Variants in NACC2 observed in about 807,000 individuals in gnomAD.
NACC2 encodes nucleus accumbens-associated protein 2.
NACC2 carries 8 observed loss-of-function variants against 25.1 expected under a neutral mutation model. The observed-to-expected ratio is 0.32, with a 90% confidence interval of 0.19 to 0.57. The LOEUF is 0.57. Among genes scored for constraint, NACC2 ranks in the 20% least tolerant of loss-of-function variants. The pLI, the probability that NACC2 is intolerant of heterozygous loss-of-function variation, is 0.89. For missense variants in NACC2, 644 were observed against 650.2 expected (o/e 0.99, Z 0.10); for synonymous variants, 435 against 294.7 (o/e 1.48, Z -4.88).
chr9:136,040,817 C>T (rs999979166), intron 2 of NACC2, among the ~76,000 whole-genome samples: 1 of 152,020 alleles, frequency 6.6e-6, no homozygotes, highest in African/African-American at 2.4e-5. Flanking sequence ...AAAAATTAGC[C>T]GGGTGTGGTG....
chr9:136,043,617 G>A (rs974067428), intron 2 of NACC2, among the ~76,000 whole-genome samples: 2 of 152,232 alleles, frequency 1.3e-5, no homozygotes, highest in Admixed American at 6.5e-5. Flanking sequence ...ACGGTCTCAC[G>A]CACAGGGATC....
At chr9:136,085,393 C>T (rs1830368653) in intron 1 of NACC2, among the ~76,000 whole-genome samples, 1 of 151,442 alleles carries the variant, frequency 6.6e-6, no homozygotes, top group South Asian at 2.1e-4. Flanking sequence ...GGGATCCACA[C>T]CTATAGTCCC....
chr9:136,040,008 A>C (rs1840604104), intron 2 of NACC2, among the ~76,000 whole-genome samples: 1 of 152,178 alleles, frequency 6.6e-6, no homozygotes, highest in African/African-American at 2.4e-5. Flanking sequence ...CTAATCACTA[A>C]AGGTAGCAAG....
At chr9:136,049,519 G>A (rs1393592609) in intron 2 of NACC2, 117 bp downstream of exon 2, 5 of 614,636 alleles carry the variant, frequency 8.1e-6, no homozygotes, top group African/African-American at 7.5e-5. Flanking sequence ...CAGGCTTGGT[G>A]GGGGGCTCCC....
At chr9:136,068,807 G>T (rs1210799057) in intron 1 of NACC2, among the ~76,000 whole-genome samples, 1 of 151,420 alleles carries the variant, frequency 6.6e-6, no homozygotes, top group Non-Finnish European at 1.5e-5. Flanking sequence ...AGAAACAAAA[G>T]ATAGAACAGA....
chr9:136,034,627 A>C (rs1840524992), intron 2 of NACC2, among the ~76,000 whole-genome samples: 1 of 152,038 alleles, frequency 6.6e-6, no homozygotes, highest in Admixed American at 6.5e-5. Flanking sequence ...ATGCGCCTGG[A>C]ATGTTTTGCT....
At chr9:136,028,927 G>GCCC (rs1320809080) in intron 2 of NACC2, among the ~76,000 whole-genome samples, 1 of 152,216 alleles carries the variant, frequency 6.6e-6, no homozygotes, top group African/African-American at 2.4e-5. Flanking sequence ...TGCCGCCTTG[G>GCCC]CCCCCTCTGG....
intron 2 of NACC2, among the ~76,000 whole-genome samples, chr9:136,033,850 G>A (rs1031660886): frequency 3.3e-5 from 5 of 150,710 alleles, no homozygotes; most frequent in East Asian, 2.0e-4. Context: ...AGGTCACCCC[G>A]CATCAGTCAA....
intron 2 of NACC2, among the ~76,000 whole-genome samples, chr9:136,046,864 G>A (rs1840733609): frequency 2.6e-5 from 4 of 152,278 alleles, no homozygotes; most frequent in Non-Finnish European, 5.9e-5. Flanking sequence ...GGGACAAAAG[G>A]CAATTAACTT....
At chr9:136,017,033 G>A (rs951119314) in intron 2 of NACC2, among the ~76,000 whole-genome samples, 1 of 152,152 alleles carries the variant, frequency 6.6e-6, no homozygotes, top group African/African-American at 2.4e-5. Context: ...GGGACTCAGT[G>A]CATCCAAGAA....
intron 2 of NACC2, among the ~76,000 whole-genome samples, chr9:136,023,401 G>A (rs1156636566): frequency 5.9e-5 from 9 of 152,100 alleles, no homozygotes; most frequent in Admixed American, 5.2e-4. Flanking sequence ...GACCCTCTGG[G>A]CTTCTCGACC....
intron 1 of NACC2, among the ~76,000 whole-genome samples, chr9:136,054,276 A>G (rs1840890597): frequency 6.6e-6 from 1 of 152,168 alleles, no homozygotes; most frequent in South Asian, 2.1e-4. Flanking sequence ...CAGCTCTCCC[A>G]GAGAAGGGAC....
intron 1 of NACC2, among the ~76,000 whole-genome samples, chr9:136,082,822 G>A (rs1238384968): frequency 1.3e-5 from 2 of 152,174 alleles, no homozygotes; most frequent in African/African-American, 2.4e-5. Flanking sequence ...GGTGTTGACT[G>A]CCCTCCCTCT....
Position 136,055,782 on chromosome 9 carries a change from G to C in NACC2, c.-59-5202C>G, listed in dbSNP as rs1319365941. Among the ~76,000 whole-genome samples the C allele has an allele frequency of 1.3e-5, 2 of 152,206 alleles. No homozygotes were observed. The highest frequency in any genetic ancestry group is 2.9e-5 in the Non-Finnish European group (2 of 68,038). ...GGCGGGGCACGGGAAACGTTCTGCG[G>C]AGGGGAGAGTCCCTCTACCCCGAGC... On this transcript the variant is annotated intron_variant, in intron 1 of 5. Transcript: ENST00000277554. The surrounding 1 kb of genome is among the most constrained non-coding windows in gnomAD (Gnocchi z 4.9).
intron 1 of NACC2, among the ~76,000 whole-genome samples, chr9:136,085,552 T>C (rs1830370482): frequency 2.0e-5 from 3 of 151,416 alleles, no homozygotes; most frequent in African/African-American, 7.3e-5. Flanking sequence ...AACAAGTAAC[T>C]GTACTGAGGG....
rs7024676 is a variant in NACC2, at chr9:136,010,944, A to G, written c.*572T>C. ...ACCACACCCCTGCACACACACGCAC[A>G]CACACACACTCGTGCACACACCCCA... is the stretch of plus-strand genomic sequence containing the variant. On this transcript the variant is annotated 3_prime_UTR_variant, in exon 6 of 6. Transcript: ENST00000277554. The surrounding 1 kb of genome is among the most constrained non-coding windows in gnomAD (Gnocchi z 4.9). The G allele has an allele frequency of 0.32, 49,266 of 152,342 alleles. 8,287 individuals are homozygous for G. The highest frequency in any genetic ancestry group is 0.38 in the African/African-American group (15,659 of 41,498). 9.4% of individuals were successfully genotyped at this position (152,342 alleles called of 1,614,324 possible).
At chr9:136,054,443 T>C (rs1324882054) in intron 1 of NACC2, among the ~76,000 whole-genome samples, 2 of 152,198 alleles carry the variant, frequency 1.3e-5, no homozygotes, top group Admixed American at 6.5e-5. Context: ...TTTAGGTTGC[T>C]TTCTTGGAAG....
chr9:136,052,432 G>A (rs1840859376), intron 1 of NACC2, among the ~76,000 whole-genome samples: 1 of 151,840 alleles, frequency 6.6e-6, no homozygotes, highest in African/African-American at 2.4e-5. Context: ...AATGGGCAGA[G>A]GCGCCAGGGG....
At position 136,022,183 on chromosome 9, in the gene NACC2, G is replaced by A. The variant is rs1840303772; in HGVS notation, c.887-5754C>T. Among the ~76,000 whole-genome samples the A allele has an allele frequency of 6.6e-6, 1 of 152,234 alleles. No homozygotes were observed. The highest frequency in any genetic ancestry group is 2.1e-4 in the South Asian group (1 of 4,838). On this transcript the variant is annotated intron_variant, in intron 2 of 5. Coordinates refer to ENST00000277554, the MANE Select transcript of NACC2 (RefSeq NM_144653.5). This position sits in a 1 kb window ranked among gnomAD's most constrained non-coding sequence, Gnocchi z 4.4. ...TGTGAACTTGGTGGCATCAGGCGCA[G>A]AGCAGGTGCACAGGGACCCAGGTGG...
Sources: gnomAD v4.1 joint callset for allele counts (sites outside exome capture counted in the v4.1 genomes callset) on GRCh38, gnomAD v4.1.1 for gene constraint, Gnocchi (gnomAD v3.1) non-coding constraint, MANE v1.5 for transcripts, NCBI Gene and HGNC (gene_info 2026-07-23, HGNC 2026-07-21) for gene names.